The following MYT1L variants were observed in gnomAD, a reference collection of about 807,000 sequenced individuals.
The protein encoded by MYT1L is myelin transcription factor 1-like protein.
MYT1L carries 12 observed loss-of-function variants against 126.7 expected under a neutral mutation model. The ratio of observed to expected loss-of-function variants is 0.09; its 90% CI spans 0.06 to 0.15. The LOEUF (loss-of-function observed/expected upper bound fraction) is 0.15, where lower values mean the gene tolerates loss of function less well. Among genes scored for constraint, MYT1L ranks in the 10% least tolerant of loss-of-function variants. The pLI is 1.00. For missense variants in MYT1L, 979 were observed against 1,585.2 expected, an observed-to-expected ratio of 0.62 and a Z score of 6.49; for synonymous variants, 541 against 604.2, an observed-to-expected ratio of 0.90 and a Z score of 1.53.
At chr2:1,845,524 C>T (rs1034328693) in intron 19 of MYT1L, among the ~76,000 whole-genome samples, 7 of 152,142 alleles carry the variant, frequency 4.6e-5, no homozygotes, top group Non-Finnish European at 7.4e-5. Context: ...CCCTCTTTAG[C>T]GCCTGCCTTC....
chr2:2,305,298 T>A (rs2149555704), intron 1 of MYT1L, among the ~76,000 whole-genome samples: 1 of 152,182 alleles, frequency 6.6e-6, no homozygotes, highest in East Asian at 1.9e-4. Context: ...GTGGAATATA[T>A]TGGACCAAGG....
intron 3 of MYT1L, among the ~76,000 whole-genome samples, chr2:2,154,494 C>A (rs2086383086): frequency 1.3e-5 from 2 of 152,170 alleles, no homozygotes; most frequent in South Asian, 4.1e-4. Context: ...GAATACTATG[C>A]AGCTATAAAA....
intron 13 of MYT1L, among the ~76,000 whole-genome samples, chr2:1,909,799 T>C (rs1003805972): frequency 3.3e-5 from 5 of 152,154 alleles, no homozygotes; most frequent in African/African-American, 4.8e-5. Context: ...ACGCGAGAGC[T>C]TCCACACGTG....
chr2:1,955,834 T>C (rs1042790369), intron 8 of MYT1L, among the ~76,000 whole-genome samples: 1 of 152,224 alleles, frequency 6.6e-6, no homozygotes, highest in Non-Finnish European at 1.5e-5. Context: ...ATCCTATTTA[T>C]GTACTTTTCA....
chr2:1,800,595 G>A (rs1269789671), intron 23 of MYT1L, among the ~76,000 whole-genome samples: 1 of 152,172 alleles, frequency 6.6e-6, no homozygotes, highest in African/African-American at 2.4e-5. Context: ...TGGGAAAACT[G>A]TGTCCAGTGG....
chr2:2,087,143 C>T (rs2076439015), intron 3 of MYT1L, among the ~76,000 whole-genome samples: 1 of 152,196 alleles, frequency 6.6e-6, no homozygotes, highest in Non-Finnish European at 1.5e-5. Context: ...AGTTTATCAT[C>T]CGCCTGCCGC....
At chr2:2,119,637 C>T (rs1252784573) in intron 3 of MYT1L, among the ~76,000 whole-genome samples, 1 of 152,150 alleles carries the variant, frequency 6.6e-6, no homozygotes, top group African/African-American at 2.4e-5. Flanking sequence ...CAGCTCAGCC[C>T]AGGTTTAACC....
intron 21 of MYT1L, among the ~76,000 whole-genome samples, chr2:1,813,082 C>T (rs1042865879): frequency 1.3e-5 from 2 of 152,114 alleles, no homozygotes; most frequent in Middle Eastern, 3.2e-3. Context: ...ATCTTTCCCC[C>T]GCTGAACCTC....
rs1205563197 is a variant in MYT1L at position 1,956,199 on chromosome 2, A to ATCTATCTC, written c.153-12866_153-12865insGAGATAGA. On this transcript the variant is annotated intron_variant, in intron 8 of 24. Coordinates refer to ENST00000647738, the MANE Select transcript of MYT1L (RefSeq NM_001303052.2). ...TGTTCATTTACCTAGCTGTCTATCT[A>ATCTATCTC]TCTATCTATCTATCTATCTATCTAT... 3.0e-3 allele frequency among the ~76,000 whole-genome samples: 400 copies of ATCTATCTC among 134,100 alleles called. 2 individuals are homozygous for ATCTATCTC. The highest frequency in any genetic ancestry group is 0.011 in the African/African-American group (378 of 34,364). 88.0% of individuals were successfully genotyped at this position (134,100 alleles called of 152,430 possible).
chr2:1,939,057 G>A (rs1573775634), intron 9 of MYT1L, among the ~76,000 whole-genome samples: 2 of 152,320 alleles, frequency 1.3e-5, no homozygotes, highest in Middle Eastern at 3.4e-3. Context: ...TAAATCGCCT[G>A]AGACTTTCTC....
intron 18 of MYT1L, among the ~76,000 whole-genome samples, chr2:1,878,434 G>A (rs148127251): frequency 3.8e-4 from 58 of 152,280 alleles, no homozygotes; most frequent in African/African-American, 1.2e-3. Flanking sequence ...CTACACGTTT[G>A]TTAGAATGTA....
At chr2:2,102,941 A>T (rs990571082) in intron 3 of MYT1L, among the ~76,000 whole-genome samples, 10 of 146,860 alleles carry the variant, frequency 6.8e-5, no homozygotes, top group African/African-American at 2.3e-4. Flanking sequence ...CATAACACTT[A>T]AAAAAAAAAG....
intron 4 of MYT1L, among the ~76,000 whole-genome samples, chr2:2,022,061 G>A (rs572956247): frequency 2.3e-4 from 35 of 152,278 alleles, no homozygotes; most frequent in Admixed American, 1.4e-3. Flanking sequence ...CTGCAAGGAC[G>A]ACATCTTGTG....
chr2:2,192,326 C>A (rs113073884), intron 2 of MYT1L, among the ~76,000 whole-genome samples: 7 of 152,168 alleles, frequency 4.6e-5, no homozygotes, highest in African/African-American at 1.4e-4. Context: ...TAAGGTAACA[C>A]GTAAAGTTTC....
chr2:2,173,562 A>G (rs1572128635), intron 2 of MYT1L, among the ~76,000 whole-genome samples: 1 of 152,350 alleles, frequency 6.6e-6, no homozygotes, highest in East Asian at 1.9e-4. Flanking sequence ...ATGTTATCTC[A>G]GTATTAGAAA....
intron 2 of MYT1L, among the ~76,000 whole-genome samples, chr2:2,185,926 T>G (rs1263089248): frequency 6.6e-5 from 8 of 120,480 alleles, no homozygotes; most frequent in African/African-American, 3.0e-4. Context: ...AAGTCCCGCG[T>G]TCCTTCTGTG....
At chr2:2,241,245 T>C (rs1012501516) in intron 2 of MYT1L, among the ~76,000 whole-genome samples, 8 of 151,220 alleles carry the variant, frequency 5.3e-5, no homozygotes, top group African/African-American at 2.0e-4. Context: ...GAGTTTTAAA[T>C]GTATATTGGT....
At chr2:2,141,423 G>C (rs1033580174) in intron 3 of MYT1L, among the ~76,000 whole-genome samples, 4 of 152,074 alleles carry the variant, frequency 2.6e-5, no homozygotes, top group Admixed American at 2.6e-4. Context: ...AACCAATACA[G>C]AGAACACATT....
chr2:1,930,526 A>G (rs1208492131), intron 9 of MYT1L, among the ~76,000 whole-genome samples: 1 of 152,224 alleles, frequency 6.6e-6, no homozygotes, highest in Non-Finnish European at 1.5e-5. Flanking sequence ...AGGTACCCAC[A>G]TCAGATCCTC....
Sources: gnomAD v4.1 joint callset for allele counts (sites outside exome capture counted in the v4.1 genomes callset) on GRCh38, gnomAD v4.1.1 for gene constraint, MANE v1.5 for transcripts, NCBI Gene and HGNC (gene_info 2026-07-23, HGNC 2026-07-21) for gene names.